Variants in MINK1 observed in about 807,000 individuals in gnomAD.
MINK1 encodes misshapen-like kinase 1.
In MINK1, 46 loss-of-function variants were observed where a neutral mutation model predicts 178.4. The observed-to-expected ratio is 0.26, with a 90% CI of 0.20 to 0.33. The LOEUF is 0.33. Among genes scored for constraint, MINK1 ranks in the 10% least tolerant of loss-of-function variants. The pLI, the probability that MINK1 is intolerant of heterozygous loss-of-function variation, is 1.00. For synonymous variants in MINK1, 797 were observed against 709.7 expected (o/e 1.12, Z -1.96); for missense variants, 1,366 against 1,814.9 (o/e 0.75, Z 4.49).
At chr17:4,852,382 T>C (rs961779106) in intron 1 of MINK1, among the ~76,000 whole-genome samples, 5 of 151,786 alleles carry the variant, frequency 3.3e-5, no homozygotes, top group Admixed American at 1.3e-4. Flanking sequence ...AAAAATGTAA[T>C]TGGTGTCACG....
At position 4,891,340 on chromosome 17, in the gene MINK1, C is replaced by G. The variant is rs2151044536; in HGVS notation, c.1741-116C>G. 3 of 1,390,544 alleles carry G rather than the reference C, an allele frequency of 2.2e-6. No individual in the cohort carries two copies. In the East Asian group the frequency reaches 7.5e-5, roughly 35 times the overall value. The allele number at this position is 1,390,544 out of a possible 1,614,324, so 86.1% of individuals were successfully genotyped here. On this transcript the variant is annotated intron_variant, in intron 15 of 31. Transcript: ENST00000355280. Reference sequence around the variant, plus strand: ...AGCTGTCATCAGGCTCAAGGAACCCCTTGTCCTTCAATGGAGGAAGGGGCA... The same window carrying G: ...AGCTGTCATCAGGCTCAAGGAACCCGTTGTCCTTCAATGGAGGAAGGGGCA...
In MINK1 at chr17:4,891,911, G is replaced by A. The variant is rs75384909; in HGVS notation, c.2001+195G>A. On this transcript the variant is annotated intron_variant, in intron 16 of 31. Transcript: ENST00000355280. ...GGTGGCATCGATCCCTGTGGGGAGC[G>A]TGGGAACGGAGAAACGCCCAGGGTG... Among the ~76,000 whole-genome samples, 13 of 152,294 alleles carry A rather than the reference G, an allele frequency of 8.5e-5. No individual in the cohort carries two copies. In the East Asian group the frequency reaches 2.3e-3, roughly 27 times the overall value.
Position 4,833,693 on chromosome 17 carries a change from A to T in MINK1, c.57+53A>T, listed in dbSNP as rs1908828502. 9 of 1,409,298 alleles carry T rather than the reference A, an allele frequency of 6.4e-6. No homozygotes were observed. In the East Asian group the frequency reaches 2.4e-4, roughly 38 times the overall value. The allele number at this position is 1,409,298 out of a possible 1,614,324, so 87.3% of individuals were successfully genotyped here. A position where few individuals can be genotyped will look rare whatever the true frequency, so the allele number is the denominator to read the frequency against. ...CTGGTTCCTGTCCCCGCCGCAGGGG[A>T]GGGAGCGGGGTGGCTGCACGCCTCA... On this transcript the variant is annotated intron_variant, in intron 1 of 31. Coordinates refer to ENST00000355280, the MANE Select transcript of MINK1 (RefSeq NM_153827.5). The surrounding 1 kb of genome is among the most constrained non-coding windows in gnomAD (Gnocchi z 4.8).
At position 4,894,189 on chromosome 17, in the gene MINK1, C is replaced by T. The variant is rs762346297; in HGVS notation, c.2686C>T (p.Arg896Trp). ...MVVQRTPEEE[R>W]NLLHADSNGY... Reference sequence around the variant, plus strand: ...TGTCCTGTAGACCCCTGAAGAGGAGCGGAACCTGCTGCATGCTGACAGCAA... The same window carrying T: ...TGTCCTGTAGACCCCTGAAGAGGAGTGGAACCTGCTGCATGCTGACAGCAA... The change falls in exon 23 of 32, where the codon CGG becomes TGG. Residue 896 changes from arginine (R) to tryptophan (W), a missense_variant. This residue lies in a region of MINK1 where 709 missense variants were observed against 692.3 expected (regional missense o/e 1.02). Coordinates refer to ENST00000355280, the MANE Select transcript of MINK1 (RefSeq NM_153827.5). The surrounding 1 kb of genome is among the most constrained non-coding windows in gnomAD (Gnocchi z 4.1). 3.7e-6 allele frequency: 6 copies of T among 1,613,646 alleles called. No individual in the cohort carries two copies. Among genetic ancestry groups the T allele is most frequent in the Non-Finnish European group, 1.7e-6 (2 of 1,179,816 alleles).
chr17:4,872,410 A>C (rs1249643173), intron 1 of MINK1, among the ~76,000 whole-genome samples: 3 of 151,876 alleles, frequency 2.0e-5, no homozygotes, highest in Non-Finnish European at 4.4e-5. Flanking sequence ...AGGCCAAGGC[A>C]GGTGGATCTC....
intron 1 of MINK1, among the ~76,000 whole-genome samples, chr17:4,834,037 C>T (rs756264323): frequency 5.9e-5 from 9 of 152,130 alleles, no homozygotes; most frequent in Non-Finnish European, 1.3e-4. Context: ...CTTCTTCCTT[C>T]CCCTCCTCTT....
Position 4,889,710 on chromosome 17 carries a change from G to A in MINK1, c.1294G>A (p.Asp432Asn). 4 of 1,556,200 alleles carry A rather than the reference G, an allele frequency of 2.6e-6. No homozygotes were observed. The highest frequency in any genetic ancestry group is 3.5e-6 in the Non-Finnish European group (4 of 1,152,920). Residue 432 changes from aspartate to asparagine, a missense_variant, in exon 13 of 32, where the codon GAC becomes AAC. Physicochemically the swap from Asp to Asn is conservative, Grantham distance 23. This residue lies in a region of MINK1 where 87 missense variants were observed against 78.9 expected (regional missense o/e 1.10). Coordinates refer to ENST00000355280, the MANE Select transcript of MINK1 (RefSeq NM_153827.5). ...QEKEQQRRLE[D>N]MQALRREEER... ...GAAGGAGCAGCAGCGGCGGCTGGAG[G>A]ACATGCAGGCTCTGCGGCGGGAGGA...
chr17:4,893,216 T>G, intron 20 of MINK1, 149 bp downstream of exon 20: 1 of 1,513,872 alleles, frequency 6.6e-7, no homozygotes. Context: ...TGCTAACCTT[T>G]CCTAACCTCT....
rs1967377656 is a variant in MINK1, at chr17:4,878,302, G to C, written c.58-15G>C. 1 of 1,536,058 alleles carries C rather than the reference G, an allele frequency of 6.5e-7. No individual in the cohort carries two copies. The highest frequency in any genetic ancestry group is 8.7e-7 in the Non-Finnish European group (1 of 1,146,082). On this transcript the variant is annotated splice_polypyrimidine_tract_variant and intron_variant, in intron 1 of 31. Transcript: ENST00000355280. ...TAAAGTCTTGACACAGTATTCTTCT[G>C]TCTCCTGCCCCTAGGACCCTGCTGG...
Position 4,896,570 on chromosome 17 carries a change from G to A in MINK1, c.3757G>A (p.Glu1253Lys). ...IIKDVVLQWG[E>K]MPTSVAYICS... Reference sequence around the variant, plus strand: ...TAAGGATGTGGTGCTGCAGTGGGGGGAGATGCCTACTTCTGTGGGTGAGTG... The same window carrying A: ...TAAGGATGTGGTGCTGCAGTGGGGGAAGATGCCTACTTCTGTGGGTGAGTG... The change falls in exon 30 of 32, where the codon GAG becomes AAG. Residue 1253 changes from glutamate (E) to lysine (K), a missense_variant. Transcript: ENST00000355280. The surrounding 1 kb of genome is among the most constrained non-coding windows in gnomAD (Gnocchi z 4.6). 6.2e-7 allele frequency: 1 copy of A among 1,613,922 alleles called. No individual in the cohort carries two copies. The highest frequency in any genetic ancestry group is 8.5e-7 in the Non-Finnish European group (1 of 1,179,848).
intron 1 of MINK1, chr17:4,834,952 GAC>G (rs1251647988): frequency 8.9e-6 from 4 of 448,270 alleles, no homozygotes; most frequent in African/African-American, 2.0e-5. Flanking sequence ...TTCTCTAGGT[GAC>G]ACAGTTTTTT....
intron 14 of MINK1, 72 bp downstream of exon 14, chr17:4,890,807 G>C: frequency 6.6e-7 from 1 of 1,518,664 alleles, no homozygotes; most frequent in Non-Finnish European, 8.9e-7. Flanking sequence ...ACAAGAAGTA[G>C]TAGTTCACAG....
intron 1 of MINK1, among the ~76,000 whole-genome samples, chr17:4,854,036 C>T (rs1169669949): frequency 6.6e-6 from 1 of 152,068 alleles, no homozygotes; most frequent in Non-Finnish European, 1.5e-5. Context: ...CAGAAGCAAA[C>T]GGTTTATTTT....
chr17:4,868,836 A>G, intron 1 of MINK1: 3 of 344,180 alleles, frequency 8.7e-6, no homozygotes, highest in South Asian at 6.0e-5. Context: ...TGCAGCCTCA[A>G]CCTCCCAGGC....
chr17:4,873,588 G>A (rs1376596899), intron 1 of MINK1, among the ~76,000 whole-genome samples: 1 of 150,714 alleles, frequency 6.6e-6, no homozygotes, highest in Admixed American at 6.6e-5. Context: ...CCACAACACA[G>A]CATGGTCTTC....
intron 4 of MINK1, among the ~76,000 whole-genome samples, chr17:4,882,463 C>T (rs1336677965): frequency 6.6e-6 from 1 of 152,196 alleles, no homozygotes; most frequent in Non-Finnish European, 1.5e-5. Flanking sequence ...GGAGGAGTTT[C>T]TCTCAGGGTC....
In MINK1 at chr17:4,896,028, G is replaced by C. The variant is rs147980323; in HGVS notation, c.3390G>C (p.Leu1130=). The C allele has an allele frequency of 6.2e-7, 1 of 1,603,292 alleles. No individual in the cohort carries two copies. The highest frequency in any genetic ancestry group is 8.5e-7 in the Non-Finnish European group (1 of 1,174,910). The change falls in exon 28 of 32, where the codon CTG becomes CTC. Residue 1130 remains leucine, a synonymous_variant. Transcript: ENST00000355280. The surrounding 1 kb of genome is among the most constrained non-coding windows in gnomAD (Gnocchi z 4.6). Reference sequence around the variant, plus strand: ...TGAAATACGAGCGGATTAAGTTCCTGGTCATCGCCCTCAAGAGCTCCGTGG... The same window carrying C: ...TGAAATACGAGCGGATTAAGTTCCTCGTCATCGCCCTCAAGAGCTCCGTGG... ...RVVKYERIKF[L]VIALKSSVEV...
chr17:4,881,326 A>G (rs1967683152), intron 4 of MINK1, 69 bp downstream of exon 4: 1 of 1,467,218 alleles, frequency 6.8e-7, no homozygotes, highest in Admixed American at 2.0e-5. Flanking sequence ...ACTAGGACTC[A>G]GTATCAGTGC....
At chr17:4,852,066 A>G (rs998496798) in intron 1 of MINK1, among the ~76,000 whole-genome samples, 3 of 151,820 alleles carry the variant, frequency 2.0e-5, no homozygotes, top group African/African-American at 4.8e-5. Flanking sequence ...TTTACCAAGC[A>G]TATAAATTAT....
Sources: allele counts gnomAD v4.1 joint callset (sites outside exome capture counted in the v4.1 genomes callset), GRCh38; gene constraint gnomAD v4.1.1; regional missense constraint gnomAD v4.1.1; non-coding constraint Gnocchi (gnomAD v3.1); transcripts MANE v1.5; gene names NCBI Gene and HGNC (gene_info 2026-07-23, HGNC 2026-07-21).